TRAF3: variants seen among roughly 807,000 people sequenced by gnomAD.
TRAF3 encodes TNF receptor-associated factor 3.
In TRAF3, 13 loss-of-function variants were observed where a neutral mutation model predicts 62.3. The observed-to-expected ratio is 0.21, with a 90% CI of 0.14 to 0.33. The LOEUF (loss-of-function observed/expected upper bound fraction) is 0.33. TRAF3 is among the 10% of genes least tolerant of loss of function. TRAF3 has a pLI of 1.00. For synonymous variants in TRAF3, 269 were observed against 283.4 expected (o/e 0.95, Z 0.51); for missense variants, 440 against 741.8 (o/e 0.59, Z 4.73).
chr14:102,867,022 A>G (rs549325225), intron 2 of TRAF3, among the ~76,000 whole-genome samples: 1 of 152,370 alleles, frequency 6.6e-6, no homozygotes, highest in South Asian at 2.1e-4. Context: ...CTTGGTTGGT[A>G]GAAATTAAGA....
chr14:102,862,860 C>A (rs1473086611), intron 2 of TRAF3, among the ~76,000 whole-genome samples: 1 of 152,082 alleles, frequency 6.6e-6, no homozygotes, highest in Non-Finnish European at 1.5e-5. Flanking sequence ...TTCTCTGATT[C>A]TTACTGCTGT....
At chr14:102,901,546 A>G (rs572366234) in intron 10 of TRAF3, among the ~76,000 whole-genome samples, 14 of 152,300 alleles carry the variant, frequency 9.2e-5, no homozygotes, top group Middle Eastern at 3.4e-3. Flanking sequence ...CCCCCAGCAA[A>G]TAGACTTGGT....
intron 6 of TRAF3, among the ~76,000 whole-genome samples, chr14:102,880,676 G>A (rs1159488326): frequency 6.6e-6 from 1 of 152,202 alleles, no homozygotes; most frequent in East Asian, 1.9e-4. Flanking sequence ...CATTGAAGCA[G>A]TATTGACAAT....
At chr14:102,834,687 C>CAAAAA (rs35056615) in intron 2 of TRAF3, among the ~76,000 whole-genome samples, 12,275 of 53,540 alleles carry the variant, frequency 0.23, 1,551 homozygotes, top group East Asian at 0.35. Flanking sequence ...GACTCCGTCT[C>CAAAAA]AAAAAAAAAA....
rs902613749 is a variant in TRAF3 at position 102,906,250 on chromosome 14, A to C, written c.*466A>C. 1 of 161,536 alleles carries C rather than the reference A, an allele frequency of 6.2e-6. No homozygotes were observed. The highest frequency in any genetic ancestry group is 1.4e-5 in the Non-Finnish European group (1 of 72,812). The allele number at this position is 161,536 out of a possible 1,614,324, so 10.0% of individuals were successfully genotyped here. On this transcript the variant is annotated 3_prime_UTR_variant, in exon 12 of 12. Transcript: ENST00000392745. ...CTTCTTTCTAAAATTCAAGAGTGCA[A>C]TTTTGTTTCAAATACAGTATATTGT...
At chr14:102,828,051 G>T (rs925759593) in intron 1 of TRAF3, among the ~76,000 whole-genome samples, 1 of 152,250 alleles carries the variant, frequency 6.6e-6, no homozygotes, top group Non-Finnish European at 1.5e-5. Flanking sequence ...ACTCGTTTCC[G>T]CATTCCCACC....
chr14:102,876,845 C>T (rs1888693065), intron 6 of TRAF3, among the ~76,000 whole-genome samples: 2 of 151,060 alleles, frequency 1.3e-5, no homozygotes, highest in Non-Finnish European at 2.9e-5. Context: ...GCCTTCCGCT[C>T]AGTTCATAGA....
intron 11 of TRAF3, among the ~76,000 whole-genome samples, chr14:102,904,650 A>C (rs1890485022): frequency 6.6e-6 from 1 of 151,666 alleles, no homozygotes; most frequent in East Asian, 1.9e-4. Context: ...CTCTAGTAAA[A>C]ATACAAAAAG....
Position 102,826,674 on chromosome 14 carries a change from T to A in TRAF3, c.-156-3660T>A, listed in dbSNP as rs1566759076. On this transcript the variant is annotated intron_variant, in intron 1 of 11. Coordinates refer to ENST00000392745, the MANE Select transcript of TRAF3 (RefSeq NM_145725.3). This position sits in a 1 kb window ranked among gnomAD's most constrained non-coding sequence, Gnocchi z 4.6. Reference sequence around the variant, plus strand: ...CTAGAATTGGGGAGTGACCAGTAGATTCTTTAATTTGTTTATTCATTCGTG... The same window carrying A: ...CTAGAATTGGGGAGTGACCAGTAGAATCTTTAATTTGTTTATTCATTCGTG... Among the ~76,000 whole-genome samples, 1 of 152,090 alleles carries A rather than the reference T, an allele frequency of 6.6e-6. No homozygotes were observed.
intron 1 of TRAF3, among the ~76,000 whole-genome samples, chr14:102,784,283 C>T (rs1897389859): frequency 6.9e-6 from 1 of 144,174 alleles, no homozygotes; most frequent in Admixed American, 7.5e-5. Context: ...AGTGCAGTGG[C>T]ACGATCTCGA....
chr14:102,837,520 G>A (rs1380125530), intron 2 of TRAF3, among the ~76,000 whole-genome samples: 1 of 152,096 alleles, frequency 6.6e-6, no homozygotes, highest in Non-Finnish European at 1.5e-5. Context: ...TTTGAAGTCA[G>A]GCACTAGCCT....
intron 11 of TRAF3, among the ~76,000 whole-genome samples, chr14:102,904,961 A>T (rs183634778): frequency 4.7e-4 from 72 of 151,992 alleles, no homozygotes; most frequent in Non-Finnish European, 9.0e-4. Context: ...AAAATACAAA[A>T]ATTAGCCAGG....
intron 2 of TRAF3, among the ~76,000 whole-genome samples, chr14:102,845,677 G>A (rs1180864835): frequency 2.0e-5 from 3 of 151,596 alleles, no homozygotes; most frequent in Non-Finnish European, 4.4e-5. Flanking sequence ...CACCATGCGT[G>A]GCTAATTTTT....
chr14:102,825,058 A>T (rs958126407), intron 1 of TRAF3, among the ~76,000 whole-genome samples: 1 of 152,246 alleles, frequency 6.6e-6, no homozygotes, highest in Non-Finnish European at 1.5e-5. Flanking sequence ...TCTGGGATCC[A>T]GAAGGAGTGA....
intron 2 of TRAF3, among the ~76,000 whole-genome samples, chr14:102,833,036 G>T (rs1213997426): frequency 2.6e-5 from 4 of 152,038 alleles, no homozygotes; most frequent in African/African-American, 9.7e-5. Flanking sequence ...CACATAAATG[G>T]GTGTGACCTC....
intron 1 of TRAF3, among the ~76,000 whole-genome samples, chr14:102,781,838 A>G (rs1897286773): frequency 1.4e-5 from 2 of 144,036 alleles, no homozygotes; most frequent in African/African-American, 2.6e-5. Context: ...TGTCACCCAG[A>G]CTGAAGTGCA....
At chr14:102,854,801 G>T (rs544301963) in intron 2 of TRAF3, among the ~76,000 whole-genome samples, 76 of 136,864 alleles carry the variant, frequency 5.6e-4, no homozygotes, top group Non-Finnish European at 9.3e-4. Context: ...GCACCTGGCT[G>T]TTTTTTTTTT....
chr14:102,891,215 T>C (rs984551932), intron 8 of TRAF3, 110 bp from the exon 9 acceptor site: 46 of 1,005,920 alleles, frequency 4.6e-5, no homozygotes, highest in Non-Finnish European at 6.1e-5. Flanking sequence ...TTGACGCAAA[T>C]AGGTCTCCCC....
intron 10 of TRAF3, among the ~76,000 whole-genome samples, chr14:102,899,134 C>T (rs1365053237): frequency 2.6e-5 from 4 of 152,202 alleles, no homozygotes; most frequent in Non-Finnish European, 4.4e-5. Flanking sequence ...GTTGAGCAGG[C>T]GTGGTCTACA....
Sources: gnomAD v4.1 joint callset for allele counts (sites outside exome capture counted in the v4.1 genomes callset) on GRCh38, gnomAD v4.1.1 for gene constraint, Gnocchi (gnomAD v3.1) non-coding constraint, MANE v1.5 for transcripts, NCBI Gene and HGNC (gene_info 2026-07-23, HGNC 2026-07-21) for gene names.